Variants in DOCK2 observed in about 807,000 individuals in gnomAD.
DOCK2 encodes dedicator of cytokinesis protein 2.
In DOCK2, 87 loss-of-function variants were observed where a neutral mutation model predicts 248.9. The ratio of observed to expected loss-of-function variants is 0.35; its 90% confidence interval spans 0.29 to 0.42. The LOEUF is 0.42. Among genes scored for constraint, DOCK2 ranks in the 10% least tolerant of loss-of-function variants. The pLI, the probability that DOCK2 is intolerant of heterozygous loss-of-function variation, is 1.00. For synonymous variants in DOCK2, 805 were observed against 821.6 expected (o/e 0.98, Z 0.35); for missense variants, 1,747 against 2,300.2 (o/e 0.76, Z 4.92).
At chr5:169,695,973 G>A (rs1212127283) in intron 10 of DOCK2, 35 bp downstream of exon 10, 4 of 1,547,386 alleles carry the variant, frequency 2.6e-6, no homozygotes, top group Non-Finnish European at 3.5e-6. Context: ...GATTTTTATG[G>A]GAGCGCACAT....
At chr5:169,646,768 CA>C (rs1219344952) in intron 1 of DOCK2, among the ~76,000 whole-genome samples, 1 of 152,152 alleles carries the variant, frequency 6.6e-6, no homozygotes, top group Non-Finnish European at 1.5e-5. Flanking sequence ...AGGTCCCTGG[CA>C]AAATGTGCTT....
chr5:170,079,169 C>T, intron 49 of DOCK2, 23 bp downstream of exon 49: 2 of 1,608,450 alleles, frequency 1.2e-6, no homozygotes, highest in Non-Finnish European at 1.7e-6. Context: ...GGCAGATTGC[C>T]TCTCCAGCGC....
At chr5:169,983,263 T>A in intron 28 of DOCK2, 97 bp downstream of exon 28, 2 of 1,288,954 alleles carry the variant, frequency 1.6e-6, no homozygotes, top group Non-Finnish European at 1.1e-6. Flanking sequence ...TATCACATAA[T>A]CTAGATATGA....
chr5:169,722,283 C>A (rs1762249564), intron 22 of DOCK2, among the ~76,000 whole-genome samples: 1 of 152,208 alleles, frequency 6.6e-6, no homozygotes. Context: ...AAGTTTGGAG[C>A]AGACCATGCT....
At chr5:169,952,421 G>T (rs546630455) in intron 27 of DOCK2, among the ~76,000 whole-genome samples, 1 of 152,118 alleles carries the variant, frequency 6.6e-6, no homozygotes, top group South Asian at 2.1e-4. Flanking sequence ...TCCCCTTTAA[G>T]TAAAGGACAA....
At chr5:169,655,693 CAGACACACACAA>C (rs1397762569) in intron 2 of DOCK2, among the ~76,000 whole-genome samples, 2 of 152,320 alleles carry the variant, frequency 1.3e-5, no homozygotes, top group Middle Eastern at 3.4e-3. Flanking sequence ...TACACACACA[CAGACACACACAA>C]AGACACACAC....
At chr5:169,673,535 T>C (rs901339106) in intron 5 of DOCK2, among the ~76,000 whole-genome samples, 1 of 151,908 alleles carries the variant, frequency 6.6e-6, no homozygotes, top group African/African-American at 2.4e-5. Flanking sequence ...TAAAAAAAAA[T>C]TTAGAGACAG....
chr5:169,944,279 G>C (rs569634485), intron 27 of DOCK2, among the ~76,000 whole-genome samples: 1 of 152,332 alleles, frequency 6.6e-6, no homozygotes, highest in South Asian at 2.1e-4. Context: ...ATGCACAGAG[G>C]TGTCTGAAAG....
chr5:169,714,466 G>A lies in DOCK2; in HGVS notation c.1941+9G>A. 1.2e-6 allele frequency: 2 copies of A among 1,613,390 alleles called. No homozygotes were observed. Among genetic ancestry groups the A allele is most frequent in the South Asian group, 1.1e-5 (1 of 91,016 alleles). Reference sequence around the variant, plus strand: ...GAGAGGAAGTGGTGAAGGTCAGTGGGGCTTCATTTTGATTGTATTCTTACA... The same window carrying A: ...GAGAGGAAGTGGTGAAGGTCAGTGGAGCTTCATTTTGATTGTATTCTTACA... On this transcript the variant is annotated intron_variant, in intron 19 of 51. Transcript: ENST00000520908.
intron 30 of DOCK2, among the ~76,000 whole-genome samples, chr5:170,000,988 G>A (rs979017282): frequency 2.0e-5 from 3 of 152,142 alleles, no homozygotes; most frequent in East Asian, 1.9e-4. Context: ...TGCCCATAGC[G>A]CCACCACAGG....
chr5:169,685,980 C>T (rs1759951232), intron 8 of DOCK2, among the ~76,000 whole-genome samples: 1 of 152,168 alleles, frequency 6.6e-6, no homozygotes, highest in African/African-American at 2.4e-5. Flanking sequence ...GTTTCAGCAC[C>T]ATTATGGTGG....
chr5:169,996,042 G>C, intron 29 of DOCK2, 44 bp from the exon 30 acceptor site: 6 of 1,600,500 alleles, frequency 3.7e-6, no homozygotes, highest in Non-Finnish European at 5.1e-6. Flanking sequence ...AGGAACTTAA[G>C]GGATCATGCT....
intron 45 of DOCK2, 143 bp downstream of exon 45, chr5:170,067,829 C>T: frequency 1.2e-6 from 1 of 859,572 alleles, no homozygotes; most frequent in Non-Finnish European, 1.8e-6. Context: ...TTGGTTGGCC[C>T]TCATGTTTCT....
At chr5:170,056,176 C>CCTCACCTT (rs1372471942) in intron 42 of DOCK2, among the ~76,000 whole-genome samples, 1 of 152,192 alleles carries the variant, frequency 6.6e-6, no homozygotes, top group African/African-American at 2.4e-5. Flanking sequence ...CTTAACCTCC[C>CCTCACCTT]CTCACCTTCT....
At chr5:169,886,690 C>T (rs1237604260) in intron 27 of DOCK2, among the ~76,000 whole-genome samples, 9 of 152,162 alleles carry the variant, frequency 5.9e-5, no homozygotes, top group Non-Finnish European at 1.2e-4. Flanking sequence ...GTGAGATGGT[C>T]GCATGCTTAA....
intron 5 of DOCK2, 102 bp downstream of exon 5, chr5:169,671,276 T>G: frequency 9.8e-7 from 1 of 1,022,712 alleles, no homozygotes. Context: ...GGAGGTGGCT[T>G]TGGTGACATA....
chr5:169,846,606 A>G (rs1229985623), intron 27 of DOCK2, among the ~76,000 whole-genome samples: 1 of 76,340 alleles, frequency 1.3e-5, no homozygotes, highest in Non-Finnish European at 2.4e-5. Flanking sequence ...ATACACACAC[A>G]TATACACACA....
At chr5:169,879,227 A>C (rs1056181133) in intron 27 of DOCK2, among the ~76,000 whole-genome samples, 7 of 152,226 alleles carry the variant, frequency 4.6e-5, no homozygotes, top group Non-Finnish European at 7.3e-5. Flanking sequence ...AGTGACATGC[A>C]CTGAGCGCAT....
intron 27 of DOCK2, among the ~76,000 whole-genome samples, chr5:169,871,521 A>C (rs1771969980): frequency 1.3e-5 from 2 of 152,244 alleles, no homozygotes; most frequent in African/African-American, 4.8e-5. Context: ...TCATTTTATA[A>C]ATGAGAAAAC....
Sources: allele counts gnomAD v4.1 joint callset (sites outside exome capture counted in the v4.1 genomes callset), GRCh38; gene constraint gnomAD v4.1.1; transcripts MANE v1.5; gene names NCBI Gene and HGNC (gene_info 2026-07-23, HGNC 2026-07-21).